NDST3: variants seen among roughly 807,000 people sequenced by gnomAD.
The protein encoded by NDST3 is bifunctional heparan sulfate N-deacetylase/N-sulfotransferase 3.
A neutral mutation model predicts 96.1 loss-of-function variants in NDST3; 58 were observed. The ratio of observed to expected loss-of-function variants is 0.60; its 90% CI spans 0.49 to 0.75. The LOEUF (loss-of-function observed/expected upper bound fraction) is 0.75, where lower values mean the gene tolerates loss of function less well. NDST3 is among the 30% of genes least tolerant of loss of function. The probability of loss-of-function intolerance (pLI) is 0.00; values close to 1 mark genes in which losing one functional copy is unlikely to be tolerated. For missense variants in NDST3, 788 were observed against 1,034.2 expected, an observed-to-expected ratio of 0.76 and a Z score of 3.27; for synonymous variants, 333 against 359.7, an observed-to-expected ratio of 0.93 and a Z score of 0.84.
intron 6 of NDST3, among the ~76,000 whole-genome samples, chr4:118,156,239 C>A (rs1476175332): frequency 1.3e-5 from 2 of 152,132 alleles, no homozygotes; most frequent in Non-Finnish European, 2.9e-5. Context: ...GTGCTATCAC[C>A]TCAAGCTGGA....
intron 2 of NDST3, among the ~76,000 whole-genome samples, chr4:118,104,007 C>G (rs1729969016): frequency 6.6e-6 from 1 of 152,128 alleles, no homozygotes; most frequent in Non-Finnish European, 1.5e-5. Context: ...AAAACTCTAT[C>G]TGCTTATGAT....
intron 6 of NDST3, among the ~76,000 whole-genome samples, chr4:118,220,811 G>T (rs557076314): frequency 5.9e-5 from 9 of 152,094 alleles, no homozygotes; most frequent in African/African-American, 2.2e-4. Context: ...GTAGGACATT[G>T]AAATATATTT....
rs528125365 is a variant in NDST3, at chr4:118,228,663, A to G, written c.1819+1681A>G. 6.6e-5 allele frequency among the ~76,000 whole-genome samples: 10 copies of G among 152,338 alleles called. No individual in the cohort carries two copies. In the South Asian group the frequency reaches 2.1e-3, roughly 32 times the overall value. On this transcript the variant is annotated intron_variant, in intron 8 of 13. Transcript: ENST00000296499. ...TAGCTGAATTTTGAACATTGCACAC[A>G]GTTATGTCCACCACCACATTCAAAA...
At chr4:118,044,000 G>A (rs1457518654) in intron 1 of NDST3, among the ~76,000 whole-genome samples, 1 of 152,154 alleles carries the variant, frequency 6.6e-6, no homozygotes. Flanking sequence ...GGCTTACAGA[G>A]AAAATAACTT....
intron 6 of NDST3, among the ~76,000 whole-genome samples, chr4:118,145,964 C>T (rs1733910611): frequency 6.6e-6 from 1 of 152,228 alleles, no homozygotes; most frequent in Non-Finnish European, 1.5e-5. Context: ...CAGCCCACAT[C>T]TAGCCGGAGG....
intron 4 of NDST3, among the ~76,000 whole-genome samples, chr4:118,135,414 G>A (rs1025274280): frequency 2.0e-5 from 3 of 152,162 alleles, no homozygotes; most frequent in African/African-American, 4.8e-5. Context: ...TTATACTTGA[G>A]TGGTAGGATC....
chr4:118,051,125 A>G (rs1725050224), intron 1 of NDST3, among the ~76,000 whole-genome samples: 1 of 152,118 alleles, frequency 6.6e-6, no homozygotes, highest in Non-Finnish European at 1.5e-5. Flanking sequence ...TAGGTAAAGC[A>G]CTCCCTATTC....
chr4:118,200,345 AG>A (rs1267560885), intron 6 of NDST3, among the ~76,000 whole-genome samples: 3 of 152,190 alleles, frequency 2.0e-5, no homozygotes, highest in Admixed American at 2.0e-4. Flanking sequence ...TCAGGCCCAC[AG>A]GGAGTACTGC....
chr4:118,242,992 G>C (rs930062031), intron 12 of NDST3, among the ~76,000 whole-genome samples: 1 of 152,070 alleles, frequency 6.6e-6, no homozygotes, highest in Middle Eastern at 3.2e-3. Context: ...TTGGCAATCA[G>C]ATTTAGGAGA....
intron 6 of NDST3, among the ~76,000 whole-genome samples, chr4:118,162,504 A>T (rs1350963545): frequency 2.6e-5 from 4 of 152,000 alleles, no homozygotes; most frequent in Admixed American, 1.3e-4. Context: ...TGGGGAAAGG[A>T]TTCCTTATTT....
At chr4:118,121,578 C>T (rs4834660) in intron 4 of NDST3, among the ~76,000 whole-genome samples, 119,658 of 152,078 alleles carry the variant, frequency 0.79, 49,785 homozygotes, top group South Asian at 0.92. Context: ...GGAAATAAAA[C>T]CCAGCTTTAA....
chr4:118,226,847 A>C (rs369107089), intron 7 of NDST3, 39 bp from the exon 8 acceptor site: 102 of 1,447,894 alleles, frequency 7.0e-5, no homozygotes, highest in Non-Finnish European at 8.9e-5. Flanking sequence ...GGACACATTC[A>C]TGAAAAAAAA....
At position 118,251,130 on chromosome 4, in the gene NDST3, ATT is replaced by A. The variant is rs35077679; in HGVS notation, c.2400-2356_2400-2355del. Among the ~76,000 whole-genome samples the A allele has an allele frequency of 4.5e-3, 562 of 126,082 alleles. 3 individuals are homozygous for A. Among genetic ancestry groups the A allele is most frequent in the African/African-American group, 0.016 (536 of 33,938 alleles). 82.7% of individuals were successfully genotyped at this position (126,082 alleles called of 152,430 possible). On this transcript the variant is annotated intron_variant, in intron 12 of 13. Transcript: ENST00000296499. Reference sequence around the variant, plus strand: ...TTTATTTATTTATTATTTTTATTTTATTTTTTTTTTTTTTGAGACGGAGTCTT... The same window carrying A: ...TTTATTTATTTATTATTTTTATTTTATTTTTTTTTTTTGAGACGGAGTCTT...
At position 118,054,373 on chromosome 4, in the gene NDST3, G is replaced by A; in HGVS notation, c.463G>A (p.Val155Ile). Residue 155 changes from valine to isoleucine, a missense_variant, in exon 2 of 14, where the codon GTA (valine) becomes ATA (isoleucine). Transcript: ENST00000296499. Reference protein sequence around the residue: ...WNRSLLDKYCVEYGVGVIGFH... With the variant: ...WNRSLLDKYCIEYGVGVIGFH... ...TCGAAGCCTTCTAGATAAATACTGT[G>A]TAGAATATGGTGTGGGTGTCATTGG... The A allele has an allele frequency of 1.2e-6, 2 of 1,612,968 alleles. No homozygotes were observed. The highest frequency in any genetic ancestry group is 1.7e-6 in the Non-Finnish European group (2 of 1,179,366).
intron 6 of NDST3, among the ~76,000 whole-genome samples, chr4:118,175,530 T>A (rs1487085014): frequency 6.6e-6 from 1 of 152,262 alleles, no homozygotes; most frequent in Admixed American, 6.5e-5. Flanking sequence ...GACAACACTT[T>A]GGAATAGTAT....
intron 3 of NDST3, among the ~76,000 whole-genome samples, chr4:118,113,763 G>C (rs986136663): frequency 1.3e-5 from 2 of 152,088 alleles, no homozygotes; most frequent in East Asian, 3.9e-4. Context: ...CACACAAAAA[G>C]GACATCATAG....
intron 12 of NDST3, among the ~76,000 whole-genome samples, chr4:118,243,925 G>A (rs867776874): frequency 2.0e-5 from 3 of 152,134 alleles, no homozygotes; most frequent in Admixed American, 6.6e-5. Flanking sequence ...ACAAAGAACC[G>A]TAGTCCGTTT....
chr4:118,148,940 A>C (rs1734166003), intron 6 of NDST3, among the ~76,000 whole-genome samples: 4 of 152,168 alleles, frequency 2.6e-5, no homozygotes. Context: ...TATAAGGTGT[A>C]AGGAAGGGAT....
chr4:118,115,106 G>A (rs1212743520), intron 4 of NDST3, 146 bp downstream of exon 4: 1 of 779,576 alleles, frequency 1.3e-6, no homozygotes, highest in Admixed American at 2.7e-5. Flanking sequence ...TTCAGTATGT[G>A]GCTCTTGAGT....
Sources: allele counts gnomAD v4.1 joint callset (sites outside exome capture counted in the v4.1 genomes callset), GRCh38; gene constraint gnomAD v4.1.1; transcripts MANE v1.5; gene names NCBI Gene and HGNC (gene_info 2026-07-23, HGNC 2026-07-21).